The following GTF3C1 variants were observed in gnomAD, a reference collection of about 807,000 sequenced individuals.
GTF3C1 encodes general transcription factor 3C polypeptide 1.
Under a neutral mutation model 226.7 loss-of-function variants are expected in GTF3C1, and 57 were observed. That is an observed-to-expected ratio of 0.25 (90% CI 0.20 to 0.31). The LOEUF is 0.31. Ranked by LOEUF, GTF3C1 falls within the 10% of genes least tolerant of loss-of-function variation. The pLI is 1.00. For synonymous variants in GTF3C1, 1,090 were observed against 1,084.8 expected (o/e 1.00, Z -0.09); for missense variants, 2,217 against 2,776.1 (o/e 0.80, Z 4.53).
rs1476293398 is a variant in GTF3C1 at position 27,507,445 on chromosome 16, T to A, written c.1243-289A>T. ...CAGGGCTCTGACTTAACCTTCCATA[T>A]AGCCCCAGTGGCTGGGACAGGACGT... is the stretch of plus-strand genomic sequence containing the variant. On this transcript the variant is annotated intron_variant, in intron 8 of 36. Coordinates refer to ENST00000356183, the MANE Select transcript of GTF3C1 (RefSeq NM_001520.4). The surrounding 1 kb of genome is among the most constrained non-coding windows in gnomAD (Gnocchi z 4.9). Among the ~76,000 whole-genome samples, 11 of 151,790 alleles carry A rather than the reference T, an allele frequency of 7.2e-5. 1 individual carries two copies. The South Asian group carries it at 2.3e-3, about 31-fold the overall frequency.
rs1260651259 is a variant in GTF3C1, at chr16:27,478,459, C to G, written c.4259+10G>C. ...GCTGAGGAAAAGCTACTCTATATATCAGTACTTACCTGTTAAGTTCATCCT... is the reference window on the plus strand; with the variant it reads ...GCTGAGGAAAAGCTACTCTATATATGAGTACTTACCTGTTAAGTTCATCCT... On this transcript the variant is annotated intron_variant, in intron 28 of 36. Coordinates refer to ENST00000356183, the MANE Select transcript of GTF3C1 (RefSeq NM_001520.4). The G allele has an allele frequency of 6.4e-7, 1 of 1,561,534 alleles. No homozygotes were observed. The highest frequency in any genetic ancestry group is 2.2e-5 in the East Asian group (1 of 44,640).
rs1336106920 is a variant in GTF3C1, at chr16:27,471,575, T to G, written c.4526+173A>C. 1.7e-6 allele frequency: 1 copy of G among 594,030 alleles called. No individual in the cohort carries two copies. The highest frequency in any genetic ancestry group is 1.8e-5 in the African/African-American group (1 of 54,122). The allele number at this position is 594,030 out of a possible 1,614,324, so 36.8% of individuals were successfully genotyped here. A position where few individuals can be genotyped will look rare whatever the true frequency, so the allele number is the denominator to read the frequency against. ...GCTGCCAGCGCTCACCTGATCCCCA[T>G]ACCACGAAGGAGGTAAGGGGCTGCA... On this transcript the variant is annotated intron_variant, in intron 30 of 36. Coordinates refer to ENST00000356183, the MANE Select transcript of GTF3C1 (RefSeq NM_001520.4). This position sits in a 1 kb window ranked among gnomAD's most constrained non-coding sequence, Gnocchi z 5.0.
At position 27,461,157 on chromosome 16, in the gene GTF3C1, G is replaced by T; in HGVS notation, c.*193C>A. 1 of 547,680 alleles carries T rather than the reference G, an allele frequency of 1.8e-6. No homozygotes were observed. The highest frequency in any genetic ancestry group is 2.7e-5 in the South Asian group (1 of 37,546). 33.9% of individuals were successfully genotyped at this position (547,680 alleles called of 1,614,324 possible). A position where few individuals can be genotyped will look rare whatever the true frequency, so the allele number is the denominator to read the frequency against. ...CCAGAAGAGCCTGGGGGATGGGCAG[G>T]TCGGGGAGCCCCTCTTTCCAGAGTT... On this transcript the variant is annotated 3_prime_UTR_variant, in exon 37 of 37. Transcript: ENST00000356183. The surrounding 1 kb of genome is among the most constrained non-coding windows in gnomAD (Gnocchi z 5.3).
chr16:27,488,199 C>T, intron 23 of GTF3C1, 28 bp downstream of exon 23: 1 of 1,590,520 alleles, frequency 6.3e-7, no homozygotes, highest in South Asian at 1.1e-5. Flanking sequence ...AGACAAGGCC[C>T]AGTAAATGAA....
intron 6 of GTF3C1, 93 bp from the exon 7 acceptor site, chr16:27,511,994 C>G: frequency 7.3e-7 from 1 of 1,360,774 alleles, no homozygotes; most frequent in Non-Finnish European, 1.0e-6. Flanking sequence ...CACATGTCAG[C>G]AGAGACAGAG....
intron 23 of GTF3C1, among the ~76,000 whole-genome samples, chr16:27,487,588 G>A (rs1296083448): frequency 1.3e-5 from 2 of 152,166 alleles, no homozygotes; most frequent in Non-Finnish European, 1.5e-5. Flanking sequence ...GAGGTCAGGA[G>A]TTCCAGACCA....
chr16:27,483,275 C>T (rs2088084644), intron 25 of GTF3C1, 150 bp from the exon 26 acceptor site: 6 of 757,462 alleles, frequency 7.9e-6, no homozygotes, highest in Non-Finnish European at 1.1e-5. Flanking sequence ...GCAGCTTTTA[C>T]GAATGAAGGA....
chr16:27,485,582 G>A (rs1162075493), intron 24 of GTF3C1, among the ~76,000 whole-genome samples: 2 of 152,218 alleles, frequency 1.3e-5, no homozygotes, highest in African/African-American at 4.8e-5. Flanking sequence ...GGTGAGGAGA[G>A]AGAAAGAACA....
At chr16:27,473,438 A>G (rs1394997456) in intron 29 of GTF3C1, among the ~76,000 whole-genome samples, 1 of 152,240 alleles carries the variant, frequency 6.6e-6, no homozygotes, top group East Asian at 1.9e-4. Context: ...CCTCTGAGAG[A>G]GCTCCTATAG....
chr16:27,502,794 G>T lies in GTF3C1; in HGVS notation c.1907+65C>A, dbSNP rs879247141. On this transcript the variant is annotated intron_variant, in intron 11 of 36. Coordinates refer to ENST00000356183, the MANE Select transcript of GTF3C1 (RefSeq NM_001520.4). Reference sequence around the variant, plus strand: ...CTCAGTGGTGTCCATGGCTTGTGATGACCAACTGGTAGGAGGATTACTGTT... The same window carrying T: ...CTCAGTGGTGTCCATGGCTTGTGATTACCAACTGGTAGGAGGATTACTGTT... 10 of 1,520,376 alleles carry T rather than the reference G, an allele frequency of 6.6e-6. 1 individual carries two copies. The South Asian group carries it at 1.1e-4, about 17-fold the overall frequency. The allele number at this position is 1,520,376 out of a possible 1,614,324, so 94.2% of individuals were successfully genotyped here.
intron 6 of GTF3C1, among the ~76,000 whole-genome samples, chr16:27,524,116 AC>A (rs1337693915): frequency 6.6e-5 from 10 of 152,230 alleles, no homozygotes; most frequent in African/African-American, 2.4e-4. Context: ...CAAATGACAT[AC>A]CAGCATGAAG....
At chr16:27,475,618 A>G (rs1424142713) in intron 29 of GTF3C1, among the ~76,000 whole-genome samples, 1 of 152,106 alleles carries the variant, frequency 6.6e-6, no homozygotes. Context: ...TCAAGTGCCC[A>G]CATTTGTATA....
chr16:27,472,037 G>A lies in GTF3C1; in HGVS notation c.4354-117C>T, dbSNP rs953908987. ...TTATAGAGGAAGTGACCGATCGTGG[G>A]AGGCCCAGGCTGGCGTATGTGTGTG... On this transcript the variant is annotated intron_variant, in intron 29 of 36. Transcript: ENST00000356183. 21 of 840,742 alleles carry A rather than the reference G, an allele frequency of 2.5e-5. No individual in the cohort carries two copies. The South Asian group carries it at 3.4e-4, about 13-fold the overall frequency. 52.1% of individuals were successfully genotyped at this position (840,742 alleles called of 1,614,324 possible).
At chr16:27,508,486 C>A in intron 8 of GTF3C1, 54 bp downstream of exon 8, 1 of 1,319,960 alleles carries the variant, frequency 7.6e-7, no homozygotes, top group Non-Finnish European at 1.1e-6. Context: ...TTCTCAAATA[C>A]ACTGCAAGCA....
intron 32 of GTF3C1, among the ~76,000 whole-genome samples, chr16:27,467,937 C>G (rs1461308186): frequency 6.6e-6 from 1 of 151,970 alleles, no homozygotes; most frequent in Non-Finnish European, 1.5e-5. Flanking sequence ...TCTGATGGAT[C>G]TGGACAAAGG....
At chr16:27,528,559 C>G in intron 6 of GTF3C1, 39 bp downstream of exon 6, 4 of 1,558,968 alleles carry the variant, frequency 2.6e-6, no homozygotes, top group Non-Finnish European at 3.5e-6. Flanking sequence ...AAGTGAGAGC[C>G]AGCCAGCCAA....
intron 26 of GTF3C1, 149 bp from the exon 27 acceptor site, chr16:27,481,340 T>G: frequency 3.0e-6 from 2 of 663,176 alleles, no homozygotes; most frequent in Non-Finnish European, 5.4e-6. Context: ...TCACCTGTCA[T>G]CTGTCACCTG....
Position 27,489,035 on chromosome 16 carries a change from A to C in GTF3C1, c.3429+8T>G. 1 of 1,613,324 alleles carries C rather than the reference A, an allele frequency of 6.2e-7. No homozygotes were observed. Among genetic ancestry groups the C allele is most frequent in the South Asian group, 1.1e-5 (1 of 91,052 alleles). On this transcript the variant is annotated splice_region_variant and intron_variant, in intron 21 of 36. Transcript: ENST00000356183. ...CTGAGATTGTAGTCCGGTGTGACGC[A>C]CACCCACCTTTTTGGCCTGGTTGAT... is the stretch of plus-strand genomic sequence containing the variant.
Position 27,489,224 on chromosome 16 carries a change from C to A in GTF3C1, c.3294-46G>T, listed in dbSNP as rs1596628083. On this transcript the variant is annotated intron_variant, in intron 20 of 36. Coordinates refer to ENST00000356183, the MANE Select transcript of GTF3C1 (RefSeq NM_001520.4). Reference sequence around the variant, plus strand: ...AGAAAAGAGCCCTTCTTGGTCATCACCGAAAAAGAGAGCCCATGGCATGGG... The same window carrying A: ...AGAAAAGAGCCCTTCTTGGTCATCAACGAAAAAGAGAGCCCATGGCATGGG... 3 of 1,602,542 alleles carry A rather than the reference C, an allele frequency of 1.9e-6. No individual in the cohort carries two copies. In the East Asian group the frequency reaches 6.7e-5, roughly 36 times the overall value.
Sources: gnomAD v4.1 joint callset for allele counts (sites outside exome capture counted in the v4.1 genomes callset) on GRCh38, gnomAD v4.1.1 for gene constraint, Gnocchi (gnomAD v3.1) non-coding constraint, MANE v1.5 for transcripts, NCBI Gene and HGNC (gene_info 2026-07-23, HGNC 2026-07-21) for gene names.